The following RALGAPA2 variants were observed in gnomAD, a reference collection of about 807,000 sequenced individuals.
RALGAPA2 encodes Ral GTPase activating protein catalytic subunit alpha 2.
Under a neutral mutation model 230.4 loss-of-function variants are expected in RALGAPA2, and 139 were observed. The observed-to-expected ratio is 0.60, with a 90% CI of 0.53 to 0.69. The LOEUF is 0.69. RALGAPA2 is among the 30% of genes least tolerant of loss of function. The probability of loss-of-function intolerance (pLI) is 0.00; values close to 1 mark genes in which losing one functional copy is unlikely to be tolerated. For synonymous variants in RALGAPA2, 847 were observed against 837.8 expected (o/e 1.01, Z -0.19); for missense variants, 2,163 against 2,276.0 (o/e 0.95, Z 1.01).
chr20:20,524,331 G>A (rs1030764856), intron 30 of RALGAPA2, 75 bp downstream of exon 30: 2 of 1,549,362 alleles, frequency 1.3e-6, no homozygotes, highest in Non-Finnish European at 1.8e-6. Context: ...ATAAGTACAT[G>A]CATAAGACAT....
At chr20:20,584,994 G>A (rs764409891) in intron 18 of RALGAPA2, 39 bp from the exon 19 acceptor site, 24 of 1,441,332 alleles carry the variant, frequency 1.7e-5, no homozygotes, top group Non-Finnish European at 2.3e-5. Context: ...CTACAGGAAA[G>A]TTTTCATTGT....
At chr20:20,581,954 T>C (rs924027896) in intron 20 of RALGAPA2, among the ~76,000 whole-genome samples, 1 of 152,194 alleles carries the variant, frequency 6.6e-6, no homozygotes, top group African/African-American at 2.4e-5. Context: ...ACAAGATACC[T>C]GTGTGTGAAC....
At chr20:20,555,389 C>T (rs1384304506) in intron 23 of RALGAPA2, among the ~76,000 whole-genome samples, 6 of 152,136 alleles carry the variant, frequency 3.9e-5, no homozygotes, top group African/African-American at 1.2e-4. Context: ...TTCTAGATGG[C>T]TTTGGTTATT....
chr20:20,512,783 T>C lies in RALGAPA2; in HGVS notation c.4586A>G (p.His1529Arg), dbSNP rs746795634. 1.9e-6 allele frequency: 3 copies of C among 1,613,758 alleles called. No homozygotes were observed. The highest frequency in any genetic ancestry group is 1.3e-5 in the African/African-American group (1 of 74,930). Residue 1529 changes from histidine (H) to arginine (R), a missense_variant, in exon 32 of 40, where the codon CAT (histidine) becomes CGT (arginine). His to Arg is a conservative substitution (Grantham distance 29, BLOSUM62 0). Coordinates refer to ENST00000202677, the MANE Select transcript of RALGAPA2 (RefSeq NM_020343.4). ...CGGTAAAAGGCATTCAGGACTTGTATGGCCAATGTTTTCAAGTAATTTGTC... is the reference window on the plus strand; with the variant it reads ...CGGTAAAAGGCATTCAGGACTTGTACGGCCAATGTTTTCAAGTAATTTGTC... ...VLDKLLENIG[H>R]TSPECLLPSQ...
Position 20,572,908 on chromosome 20 carries a change from G to A in RALGAPA2, c.2868C>T (p.Cys956=). 2 of 1,562,086 alleles carry A rather than the reference G, an allele frequency of 1.3e-6. No individual in the cohort carries two copies. The highest frequency in any genetic ancestry group is 1.2e-5 in the South Asian group (1 of 84,824). The change falls in exon 21 of 40, where the codon TGC becomes TGT. Residue 956 remains cysteine, a synonymous_variant. Transcript: ENST00000202677. ...QSPKIHARVF[C]YLYELWYKLA... ...GTTTGTACCAGAGTTCATAGAGATA[G>A]CAGAAAACTCTGGCATGGATCTTGG...
intron 38 of RALGAPA2, among the ~76,000 whole-genome samples, chr20:20,409,656 C>T (rs949124435): frequency 3.3e-5 from 5 of 152,176 alleles, no homozygotes; most frequent in African/African-American, 1.2e-4. Context: ...ACAGTGTAAA[C>T]AAATGACAAA....
chr20:20,445,674 T>C (rs2060845064), intron 37 of RALGAPA2, among the ~76,000 whole-genome samples: 1 of 152,210 alleles, frequency 6.6e-6, no homozygotes, highest in Admixed American at 6.5e-5. Flanking sequence ...TTCCTCTCAA[T>C]GCCAAAAAAC....
chr20:20,516,528 A>T (rs139471105), intron 31 of RALGAPA2, among the ~76,000 whole-genome samples: 107 of 152,310 alleles, frequency 7.0e-4, no homozygotes, highest in Middle Eastern at 6.8e-3. Flanking sequence ...TAGCCACCAG[A>T]GGTCCTGAGC....
At chr20:20,689,986 C>T (rs149959599) in intron 1 of RALGAPA2, among the ~76,000 whole-genome samples, 2 of 152,194 alleles carry the variant, frequency 1.3e-5, no homozygotes, top group East Asian at 1.9e-4. Context: ...CTTCCCTGTC[C>T]ACTACCCCCC....
At chr20:20,409,631 T>C (rs991039138) in intron 38 of RALGAPA2, among the ~76,000 whole-genome samples, 4 of 152,224 alleles carry the variant, frequency 2.6e-5, no homozygotes, top group South Asian at 4.1e-4. Flanking sequence ...TGATCGCCCT[T>C]GTCCCAAGAA....
chr20:20,433,997 C>CAGTT (rs1410215627), intron 37 of RALGAPA2, among the ~76,000 whole-genome samples: 1 of 152,076 alleles, frequency 6.6e-6, no homozygotes, highest in Non-Finnish European at 1.5e-5. Flanking sequence ...ACATGGCATG[C>CAGTT]AGTTGTAAGC....
At chr20:20,474,335 T>A (rs192046022) in intron 36 of RALGAPA2, among the ~76,000 whole-genome samples, 2 of 152,330 alleles carry the variant, frequency 1.3e-5, no homozygotes, top group Admixed American at 6.5e-5. Flanking sequence ...GTCAAGCAGG[T>A]CACAAGGGGT....
chr20:20,479,608 C>T (rs2061728508), intron 36 of RALGAPA2, among the ~76,000 whole-genome samples: 1 of 152,136 alleles, frequency 6.6e-6, no homozygotes, highest in Non-Finnish European at 1.5e-5. Context: ...CTTAGCAATC[C>T]TGGAATAGAA....
chr20:20,554,245 T>C (rs147704219), intron 23 of RALGAPA2, among the ~76,000 whole-genome samples: 240 of 152,346 alleles, frequency 1.6e-3, no homozygotes, highest in African/African-American at 5.5e-3. Flanking sequence ...ATATGGAATC[T>C]TACTATATAT....
At chr20:20,697,208 C>T (rs1223690494) in intron 1 of RALGAPA2, among the ~76,000 whole-genome samples, 4 of 152,084 alleles carry the variant, frequency 2.6e-5, no homozygotes, top group Non-Finnish European at 5.9e-5. Context: ...AAAAGGGCAA[C>T]GCTTTACTTC....
chr20:20,621,052 A>G (rs1243193327), intron 10 of RALGAPA2, among the ~76,000 whole-genome samples: 2 of 151,948 alleles, frequency 1.3e-5, no homozygotes, highest in African/African-American at 4.8e-5. Flanking sequence ...GAGGCAAGAG[A>G]ATCACTTGAA....
At chr20:20,653,630 TAC>T (rs2067486853) in intron 3 of RALGAPA2, 43 bp from the exon 4 acceptor site, 1 of 1,218,634 alleles carries the variant, frequency 8.2e-7, no homozygotes, top group Middle Eastern at 1.9e-4. Context: ...CAAATGAAAT[TAC>T]ACATTTTCAT....
At chr20:20,404,140 T>C (rs1357149419) in intron 38 of RALGAPA2, among the ~76,000 whole-genome samples, 3 of 152,196 alleles carry the variant, frequency 2.0e-5, no homozygotes, top group Non-Finnish European at 4.4e-5. Context: ...TTCTCGGCAT[T>C]GTCTACTGTG....
chr20:20,611,152 A>T (rs2065963176), intron 14 of RALGAPA2, among the ~76,000 whole-genome samples, 163 bp downstream of exon 14: 1 of 152,200 alleles, frequency 6.6e-6, no homozygotes, highest in Non-Finnish European at 1.5e-5. Flanking sequence ...GCCCAGCACT[A>T]ATTGTAAAGA....
Sources: allele counts gnomAD v4.1 joint callset (sites outside exome capture counted in the v4.1 genomes callset), GRCh38; gene constraint gnomAD v4.1.1; transcripts MANE v1.5; gene names NCBI Gene and HGNC (gene_info 2026-07-23, HGNC 2026-07-21).